Variants in ATXN7L1 observed in about 807,000 individuals in gnomAD.
ATXN7L1 encodes the protein ataxin-7-like protein 1.
A neutral mutation model predicts 70.8 loss-of-function variants in ATXN7L1; 15 were observed. That is an observed-to-expected ratio of 0.21 (90% CI 0.14 to 0.33). The LOEUF (loss-of-function observed/expected upper bound fraction) is 0.33. Among genes scored for constraint, ATXN7L1 ranks in the 10% least tolerant of loss-of-function variants. The pLI, the probability that ATXN7L1 is intolerant of heterozygous loss-of-function variation, is 1.00. For missense variants in ATXN7L1, 975 were observed against 1,097.1 expected, an observed-to-expected ratio of 0.89 and a Z score of 1.57; for synonymous variants, 440 against 445.1, an observed-to-expected ratio of 0.99 and a Z score of 0.14.
At chr7:105,743,013 C>T (rs651220) in intron 3 of ATXN7L1, among the ~76,000 whole-genome samples, 55,978 of 151,970 alleles carry the variant, frequency 0.37, 10,578 homozygotes, top group East Asian at 0.46. Flanking sequence ...TGTGGGCAGC[C>T]CAACCTCTGA....
intron 3 of ATXN7L1, among the ~76,000 whole-genome samples, chr7:105,753,838 C>A (rs902916212): frequency 1.3e-5 from 2 of 152,186 alleles, no homozygotes; most frequent in Admixed American, 1.3e-4. Context: ...CTTTCAGAAT[C>A]ATATTTTCAG....
chr7:105,860,126 T>TAA (rs1816358830), intron 2 of ATXN7L1, among the ~76,000 whole-genome samples: 1 of 53,388 alleles, frequency 1.9e-5, no homozygotes, highest in Non-Finnish European at 3.6e-5. Flanking sequence ...TCTTTATATG[T>TAA]AAATATATAT....
chr7:105,736,548 C>T (rs963034787), intron 3 of ATXN7L1, among the ~76,000 whole-genome samples: 1 of 152,204 alleles, frequency 6.6e-6, no homozygotes, highest in African/African-American at 2.4e-5. Context: ...AGATTTGGCA[C>T]ATCTATGGCC....
chr7:105,768,195 G>A (rs765742076), intron 3 of ATXN7L1, among the ~76,000 whole-genome samples: 63 of 152,314 alleles, frequency 4.1e-4, no homozygotes, highest in Non-Finnish European at 6.6e-4. Context: ...ATGTGGCAGT[G>A]AGGTATAATT....
At chr7:105,758,005 G>C (rs1183208305) in intron 3 of ATXN7L1, among the ~76,000 whole-genome samples, 1 of 151,910 alleles carries the variant, frequency 6.6e-6, no homozygotes. Context: ...CTTCTTCCAG[G>C]CCCTCTCTGG....
Position 105,607,013 on chromosome 7 carries a change from G to T in ATXN7L1, c.*839C>A, listed in dbSNP as rs1792790034. The T allele has an allele frequency of 6.6e-6, 1 of 152,090 alleles. No homozygotes were observed. The highest frequency in any genetic ancestry group is 1.5e-5 in the Non-Finnish European group (1 of 68,094). The allele number at this position is 152,090 out of a possible 1,614,324, so 9.4% of individuals were successfully genotyped here. On this transcript the variant is annotated 3_prime_UTR_variant, in exon 12 of 12. Coordinates refer to ENST00000419735, the MANE Select transcript of ATXN7L1 (RefSeq NM_020725.2). ...CACTGGCACACTGATTCCTGGAAGG[G>T]ATTCTGCAGATTCCTGACCAGCTCA...
chr7:105,764,294 G>T (rs1451578486), intron 3 of ATXN7L1, among the ~76,000 whole-genome samples: 1 of 148,886 alleles, frequency 6.7e-6, no homozygotes, highest in Non-Finnish European at 1.5e-5. Flanking sequence ...GCTTGGCAAA[G>T]CTTAAAGAAA....
At chr7:105,814,690 G>C (rs539841905) in intron 2 of ATXN7L1, among the ~76,000 whole-genome samples, 62 of 152,296 alleles carry the variant, frequency 4.1e-4, no homozygotes, top group African/African-American at 1.2e-3. Flanking sequence ...TCATGTATGA[G>C]AAAGGAAGGA....
chr7:105,636,396 A>C (rs1346274614), intron 7 of ATXN7L1, among the ~76,000 whole-genome samples: 6 of 135,144 alleles, frequency 4.4e-5, no homozygotes, highest in African/African-American at 1.7e-4. Context: ...CTCTGTCTCA[A>C]AAAAAAAAAA....
intron 2 of ATXN7L1, among the ~76,000 whole-genome samples, chr7:105,805,232 G>A (rs1446856685): frequency 6.6e-6 from 1 of 152,234 alleles, no homozygotes; most frequent in African/African-American, 2.4e-5. Context: ...CATGAGCTCT[G>A]GCTAAGGTGC....
At chr7:105,790,715 C>CTATCTAAA (rs1563095692) in intron 2 of ATXN7L1, among the ~76,000 whole-genome samples, 1 of 151,504 alleles carries the variant, frequency 6.6e-6, no homozygotes. Context: ...ATCTATCTAT[C>CTATCTAAA]TATCTGACAA....
intron 3 of ATXN7L1, among the ~76,000 whole-genome samples, chr7:105,781,069 A>C (rs1803454397): frequency 6.6e-6 from 1 of 152,168 alleles, no homozygotes; most frequent in Non-Finnish European, 1.5e-5. Flanking sequence ...GGAGTGGGGT[A>C]GAGACTGCTA....
rs1563049039 is a variant in ATXN7L1 at position 105,733,633 on chromosome 7, C to CCACCCAT, written c.355+54970_355+54971insATGGGTG. Among the ~76,000 whole-genome samples, 54 of 38,274 alleles carry CCACCCAT rather than the reference C, an allele frequency of 1.4e-3. 4 individuals are homozygous for CCACCCAT. Among genetic ancestry groups the CCACCCAT allele is most frequent in the East Asian group, 4.3e-3 (4 of 940 alleles). The allele number at this position is 38,274 out of a possible 152,430, so 25.1% of individuals were successfully genotyped here. A position where few individuals can be genotyped will look rare whatever the true frequency, so the allele number is the denominator to read the frequency against. On this transcript the variant is annotated intron_variant, in intron 3 of 11. Coordinates refer to ENST00000419735, the MANE Select transcript of ATXN7L1 (RefSeq NM_020725.2). ...ATCCATCCATCCATCCATCCATCCA[C>CCACCCAT]CCATCCATCCATCCATCCATCCATC...
At chr7:105,691,786 G>C (rs116415020) in intron 3 of ATXN7L1, 3 of 152,142 alleles carry the variant, frequency 2.0e-5, no homozygotes, top group South Asian at 4.1e-4. Context: ...TATTCTGCAC[G>C]GTGCACAGCC....
intron 3 of ATXN7L1, among the ~76,000 whole-genome samples, chr7:105,769,747 G>A (rs1801738461): frequency 6.6e-6 from 1 of 152,144 alleles, no homozygotes; most frequent in African/African-American, 2.4e-5. Context: ...CTGAGTTCCT[G>A]AAGAGTAGAT....
At chr7:105,827,730 T>G (rs1398573387) in intron 2 of ATXN7L1, among the ~76,000 whole-genome samples, 1 of 152,198 alleles carries the variant, frequency 6.6e-6, no homozygotes, top group Non-Finnish European at 1.5e-5. Context: ...AACAACCCTA[T>G]GAAGTAGCTA....
chr7:105,635,355 G>T (rs1797202673), intron 7 of ATXN7L1, among the ~76,000 whole-genome samples: 2 of 152,226 alleles, frequency 1.3e-5, no homozygotes, highest in South Asian at 4.1e-4. Flanking sequence ...CCCTCGGGCT[G>T]GGGGCAGAAG....
At chr7:105,722,497 G>C (rs1215315359) in intron 3 of ATXN7L1, among the ~76,000 whole-genome samples, 1 of 146,652 alleles carries the variant, frequency 6.8e-6, no homozygotes, top group Non-Finnish European at 1.5e-5. Flanking sequence ...GGAGGCGGAG[G>C]TTGCAGTGAG....
chr7:105,684,962 T>G (rs1172601404), intron 3 of ATXN7L1, among the ~76,000 whole-genome samples: 1 of 152,044 alleles, frequency 6.6e-6, no homozygotes, highest in Non-Finnish European at 1.5e-5. Flanking sequence ...CTGTTGGTTG[T>G]GAAGGTTAAG....
Sources: gnomAD v4.1 joint callset for allele counts (sites outside exome capture counted in the v4.1 genomes callset) on GRCh38, gnomAD v4.1.1 for gene constraint, MANE v1.5 for transcripts, NCBI Gene and HGNC (gene_info 2026-07-23, HGNC 2026-07-21) for gene names.